Variants in ANO6 observed in about 807,000 individuals in gnomAD.
ANO6 encodes the protein anoctamin-6.
A neutral mutation model predicts 117.5 loss-of-function variants in ANO6; 106 were observed. That is an observed-to-expected ratio of 0.90 (90% CI 0.77 to 1.06). The LOEUF (loss-of-function observed/expected upper bound fraction) is 1.06. ANO6 is among the 50% of genes least tolerant of loss of function. ANO6 has a pLI of 0.00. For synonymous variants in ANO6, 367 were observed against 385.1 expected (o/e 0.95, Z 0.55); for missense variants, 955 against 1,121.1 (o/e 0.85, Z 2.12).
intron 1 of ANO6, among the ~76,000 whole-genome samples, chr12:45,254,002 AT>A (rs1937718629): frequency 6.6e-6 from 1 of 152,164 alleles, no homozygotes; most frequent in South Asian, 2.1e-4. Context: ...CCCCGTCTGT[AT>A]TAAAAATGCA....
At chr12:45,375,034 A>G (rs1421163600) in intron 9 of ANO6, among the ~76,000 whole-genome samples, 56 of 151,818 alleles carry the variant, frequency 3.7e-4, no homozygotes, top group Non-Finnish European at 6.9e-4. Context: ...ATGTACAAAA[A>G]TCACAAGCAT....
At chr12:45,304,638 T>C (rs1939605769) in intron 2 of ANO6, among the ~76,000 whole-genome samples, 1 of 152,222 alleles carries the variant, frequency 6.6e-6, no homozygotes, top group African/African-American at 2.4e-5. Flanking sequence ...GCCTAGTGTT[T>C]TTATACAATG....
intron 8 of ANO6, among the ~76,000 whole-genome samples, chr12:45,366,367 A>T (rs759528162): frequency 2.6e-5 from 4 of 151,562 alleles, no homozygotes; most frequent in Non-Finnish European, 5.9e-5. Flanking sequence ...TTTTTTTCTA[A>T]TAAGTTGGTA....
At chr12:45,396,906 A>T (rs755623606) in intron 12 of ANO6, among the ~76,000 whole-genome samples, 2 of 152,240 alleles carry the variant, frequency 1.3e-5, no homozygotes, top group Non-Finnish European at 2.9e-5. Flanking sequence ...AGGCAATACC[A>T]TTCAGGACAT....
intron 10 of ANO6, among the ~76,000 whole-genome samples, chr12:45,380,651 A>C (rs1942145587): frequency 6.6e-6 from 1 of 152,172 alleles, no homozygotes; most frequent in Non-Finnish European, 1.5e-5. Context: ...CCCTAGCTGC[A>C]AGAGAGTTTC....
Position 45,421,063 on chromosome 12 carries a change from CA to C in ANO6, c.2218-4del. 1 of 1,613,894 alleles carries C rather than the reference CA, an allele frequency of 6.2e-7. No individual in the cohort carries two copies. The highest frequency in any genetic ancestry group is 8.5e-7 in the Non-Finnish European group (1 of 1,179,912). ...CTTCATTTTCGCTTTGTTTTTCTCC[CA>C]AAATAGGCCATGATCATAGCTTTCA... On this transcript the variant is annotated splice_region_variant and splice_polypyrimidine_tract_variant and intron_variant, in intron 17 of 19. Coordinates refer to ENST00000320560, the MANE Select transcript of ANO6 (RefSeq NM_001025356.3).
At chr12:45,233,794 C>CT (rs1947608418) in intron 1 of ANO6, among the ~76,000 whole-genome samples, 1 of 152,170 alleles carries the variant, frequency 6.6e-6, no homozygotes, top group African/African-American at 2.4e-5. Flanking sequence ...CACATGGTCC[C>CT]TGCAAGCACT....
intron 15 of ANO6, among the ~76,000 whole-genome samples, chr12:45,405,310 G>A (rs756041637): frequency 1.5e-4 from 23 of 152,152 alleles, no homozygotes; most frequent in African/African-American, 5.3e-4. Context: ...ACTATGTTTC[G>A]GTAACATTGG....
chr12:45,256,536 T>C (rs1452795878), intron 1 of ANO6: 2 of 151,472 alleles, frequency 1.3e-5, no homozygotes, highest in African/African-American at 4.9e-5. Context: ...AAAAAAATCA[T>C]AGAGGAAACT....
intron 9 of ANO6, among the ~76,000 whole-genome samples, chr12:45,372,408 G>C (rs1175463566): frequency 7.0e-6 from 1 of 142,496 alleles, no homozygotes; most frequent in African/African-American, 2.7e-5. Context: ...ACACATAATT[G>C]TCAGATTCAC....
intron 1 of ANO6, among the ~76,000 whole-genome samples, chr12:45,234,650 T>G (rs1947620305): frequency 6.6e-6 from 1 of 152,194 alleles, no homozygotes; most frequent in Non-Finnish European, 1.5e-5. Context: ...TGGTTTCCAC[T>G]CTTAGTCATC....
chr12:45,224,233 T>A (rs1947447586), intron 1 of ANO6, among the ~76,000 whole-genome samples: 1 of 152,172 alleles, frequency 6.6e-6, no homozygotes, highest in Non-Finnish European at 1.5e-5. Context: ...GAGCCAGCCC[T>A]GTTGGGATGA....
rs1943648088 is a variant in ANO6, at chr12:45,432,183, C to T, written c.*2872C>T. ...TATGAGCAGCTTAACTGAAGTAGAACTATTCATGATGCTTTTCACACATTG... is the reference window on the plus strand; with the variant it reads ...TATGAGCAGCTTAACTGAAGTAGAATTATTCATGATGCTTTTCACACATTG... On this transcript the variant is annotated 3_prime_UTR_variant, in exon 20 of 20. Transcript: ENST00000320560. The T allele has an allele frequency of 1.0e-6, 1 of 985,008 alleles. No homozygotes were observed. Among genetic ancestry groups the T allele is most frequent in the Non-Finnish European group, 1.2e-6 (1 of 829,648 alleles). The allele number at this position is 985,008 out of a possible 1,614,324, so 61.0% of individuals were successfully genotyped here. A position where few individuals can be genotyped will look rare whatever the true frequency, so the allele number is the denominator to read the frequency against.
In ANO6 at chr12:45,421,103, C is replaced by T; in HGVS notation, c.2250C>T (p.Ile750=). The T allele has an allele frequency of 1.2e-6, 2 of 1,614,234 alleles. No homozygotes were observed. Among genetic ancestry groups the T allele is most frequent in the East Asian group, 4.5e-5 (2 of 44,892 alleles). ...AMIIAFTSDM[I]PRLVYYWSFS... The stretch of plus-strand genomic sequence containing the variant: ...TCATAGCTTTCACGTCGGACATGAT[C>T]CCCCGCCTAGTGTACTACTGGTCCT... The change falls in exon 18 of 20, where the codon ATC becomes ATT. Residue 750 remains isoleucine, a synonymous_variant. Coordinates refer to ENST00000320560, the MANE Select transcript of ANO6 (RefSeq NM_001025356.3).
At chr12:45,314,861 C>T (rs575647618) in intron 2 of ANO6, among the ~76,000 whole-genome samples, 1 of 152,176 alleles carries the variant, frequency 6.6e-6, no homozygotes, top group African/African-American at 2.4e-5. Context: ...GTACCATAGC[C>T]TAGCCAAGCT....
chr12:45,287,337 A>G (rs569304750), intron 1 of ANO6, among the ~76,000 whole-genome samples: 1 of 152,292 alleles, frequency 6.6e-6, no homozygotes, highest in East Asian at 1.9e-4. Context: ...TCCACTGCTC[A>G]CTAGCTGTGT....
chr12:45,326,453 A>T (rs1940469460), intron 2 of ANO6, among the ~76,000 whole-genome samples: 1 of 152,312 alleles, frequency 6.6e-6, no homozygotes, highest in South Asian at 2.1e-4. Flanking sequence ...GTCAAAATAC[A>T]CAATTGATAA....
chr12:45,323,358 A>G (rs1399703983), intron 2 of ANO6, among the ~76,000 whole-genome samples: 1 of 152,210 alleles, frequency 6.6e-6, no homozygotes, highest in Non-Finnish European at 1.5e-5. Flanking sequence ...TAATAGGGTA[A>G]CACAACACCT....
intron 2 of ANO6, among the ~76,000 whole-genome samples, chr12:45,304,232 C>G (rs1172923877): frequency 6.6e-6 from 1 of 152,126 alleles, no homozygotes; most frequent in Non-Finnish European, 1.5e-5. Flanking sequence ...GCCTTGAGAA[C>G]AGGGTGCCCA....
Sources: gnomAD v4.1 joint callset for allele counts (sites outside exome capture counted in the v4.1 genomes callset) on GRCh38, gnomAD v4.1.1 for gene constraint, MANE v1.5 for transcripts, NCBI Gene and HGNC (gene_info 2026-07-23, HGNC 2026-07-21) for gene names.